SLIT2: variants seen among roughly 807,000 people sequenced by gnomAD.
The protein encoded by SLIT2 is slit guidance ligand 2.
In SLIT2, 41 loss-of-function variants were observed where a neutral mutation model predicts 185.7. The observed-to-expected ratio is 0.22, with a 90% CI of 0.17 to 0.29. SLIT2 has a LOEUF of 0.29. Ranked by LOEUF, SLIT2 falls within the 10% of genes least tolerant of loss-of-function variation. The pLI, the probability that SLIT2 is intolerant of heterozygous loss-of-function variation, is 1.00. For synonymous variants in SLIT2, 693 were observed against 680.2 expected (o/e 1.02, Z -0.29); for missense variants, 1,571 against 1,909.0 (o/e 0.82, Z 3.30).
At chr4:20,579,987 T>TATAG (rs1726401598) in intron 29 of SLIT2, among the ~76,000 whole-genome samples, 1 of 145,228 alleles carries the variant, frequency 6.9e-6, no homozygotes, top group Non-Finnish European at 1.5e-5. Flanking sequence ...TATATATATA[T>TATAG]TTAATATGTA....
intron 4 of SLIT2, among the ~76,000 whole-genome samples, chr4:20,342,268 G>A (rs1426816632): frequency 6.6e-6 from 1 of 152,012 alleles, no homozygotes; most frequent in Non-Finnish European, 1.5e-5. Flanking sequence ...AGATTTCATG[G>A]ATGATTTTAC....
Position 20,610,013 on chromosome 4 carries a change from T to C in SLIT2, c.3693T>C (p.Ser1231=), listed in dbSNP as rs1729093300. The C allele has an allele frequency of 1.9e-6, 3 of 1,610,696 alleles. No individual in the cohort carries two copies. The highest frequency in any genetic ancestry group is 2.2e-5 in the South Asian group (2 of 90,340). The change falls in exon 34 of 37, where the codon AGT becomes AGC. Residue 1231 remains serine, a splice_region_variant and synonymous_variant. Coordinates refer to ENST00000504154, the MANE Select transcript of SLIT2 (RefSeq NM_004787.4). ...TGSHPASAIY[S]VETINDGNFH... is the part of the protein sequence containing the mutation. ...TCAGCCATTTTTTTTTCCGTTGTAG[T>C]GTGGAGACAATCAATGATGGAAACT...
intron 29 of SLIT2, among the ~76,000 whole-genome samples, chr4:20,586,529 A>T (rs185022577): frequency 6.6e-6 from 1 of 152,342 alleles, no homozygotes; most frequent in Admixed American, 6.5e-5. Flanking sequence ...AACACCAGTA[A>T]TATAAAATGC....
chr4:20,304,256 G>T (rs1453451799), intron 4 of SLIT2, among the ~76,000 whole-genome samples: 1 of 151,926 alleles, frequency 6.6e-6, no homozygotes, highest in East Asian at 1.9e-4. Flanking sequence ...AGCTCAACTA[G>T]ATAACTTTTT....
At chr4:20,288,506 C>G (rs1715494049) in intron 4 of SLIT2, among the ~76,000 whole-genome samples, 1 of 152,186 alleles carries the variant, frequency 6.6e-6, no homozygotes, top group African/African-American at 2.4e-5. Flanking sequence ...GGGTGATGAT[C>G]TATACCCAGG....
At chr4:20,569,539 A>G (rs1264056204) in intron 29 of SLIT2, among the ~76,000 whole-genome samples, 1 of 152,032 alleles carries the variant, frequency 6.6e-6, no homozygotes, top group Non-Finnish European at 1.5e-5. Flanking sequence ...TCTTTGGATG[A>G]CACATCTCAT....
intron 7 of SLIT2, among the ~76,000 whole-genome samples, chr4:20,486,519 A>G (rs182911401): frequency 7.9e-5 from 12 of 152,264 alleles, no homozygotes; most frequent in African/African-American, 2.9e-4. Flanking sequence ...ACTTTGAGCT[A>G]TTGTGGAGGT....
chr4:20,288,548 A>T (rs1349427755), intron 4 of SLIT2, among the ~76,000 whole-genome samples: 1 of 152,202 alleles, frequency 6.6e-6, no homozygotes, highest in Admixed American at 6.5e-5. Context: ...CTTATTGGGG[A>T]TGCCTATGGA....
intron 25 of SLIT2, 70 bp from the exon 26 acceptor site, chr4:20,553,735 T>C: frequency 8.9e-7 from 1 of 1,119,338 alleles, no homozygotes; most frequent in Non-Finnish European, 1.2e-6. Flanking sequence ...ACTTCCATAC[T>C]TGTGTGTGTG....
At position 20,540,242 on chromosome 4, in the gene SLIT2, C is replaced by T. The variant is rs556453150; in HGVS notation, c.1976+658C>T. On this transcript the variant is annotated intron_variant, in intron 19 of 36. Transcript: ENST00000504154. ...GGCGGAGGTGGCAGTGATCCAAGAT[C>T]GCATCACTGCACTCCAGCCTGTATG... is the stretch of plus-strand genomic sequence containing the variant. Among the ~76,000 whole-genome samples the T allele has an allele frequency of 9.9e-4, 150 of 150,926 alleles. 1 individual carries two copies. Among genetic ancestry groups the T allele is most frequent in the African/African-American group, 3.3e-3 (134 of 41,010 alleles).
chr4:20,409,526 G>A (rs1308270410), intron 4 of SLIT2, among the ~76,000 whole-genome samples: 3 of 152,102 alleles, frequency 2.0e-5, no homozygotes, highest in African/African-American at 7.2e-5. Context: ...GGGCTTCAGT[G>A]AATATACATG....
intron 4 of SLIT2, among the ~76,000 whole-genome samples, chr4:20,314,189 C>G (rs10938794): frequency 0.24 from 36,300 of 151,830 alleles, 5,268 homozygotes; most frequent in East Asian, 0.6. Flanking sequence ...CTATTTTTTG[C>G]CTGTGTTATC....
intron 4 of SLIT2, among the ~76,000 whole-genome samples, chr4:20,375,151 C>T (rs1156357641): frequency 2.0e-5 from 3 of 151,866 alleles, no homozygotes; most frequent in Admixed American, 1.3e-4. Flanking sequence ...TGATCTAGAC[C>T]ATTATCATCT....
intron 4 of SLIT2, among the ~76,000 whole-genome samples, chr4:20,403,453 A>C (rs1726515820): frequency 6.6e-6 from 1 of 151,896 alleles, no homozygotes; most frequent in Non-Finnish European, 1.5e-5. Flanking sequence ...TGTTAGCATG[A>C]TGAACTAATT....
intron 35 of SLIT2, 82 bp downstream of exon 35, chr4:20,617,280 G>C: frequency 9.3e-7 from 1 of 1,076,830 alleles, no homozygotes; most frequent in Non-Finnish European, 1.3e-6. Flanking sequence ...AGAAGAAGGG[G>C]AGGGGACGGG....
intron 4 of SLIT2, among the ~76,000 whole-genome samples, chr4:20,272,290 C>T (rs1419505408): frequency 6.6e-6 from 1 of 150,794 alleles, no homozygotes; most frequent in East Asian, 2.0e-4. Context: ...AAAAAATAAG[C>T]CAGCATGAAG....
At chr4:20,488,446 T>C (rs1717461449) in intron 7 of SLIT2, among the ~76,000 whole-genome samples, 1 of 152,162 alleles carries the variant, frequency 6.6e-6, no homozygotes, top group Admixed American at 6.5e-5. Context: ...GCCACAACTT[T>C]TACTAACTTG....
chr4:20,341,716 T>C (rs189829724), intron 4 of SLIT2, among the ~76,000 whole-genome samples: 10 of 152,328 alleles, frequency 6.6e-5, no homozygotes, highest in African/African-American at 2.2e-4. Flanking sequence ...ATTTAACGCA[T>C]TATTGACAGA....
chr4:20,391,552 A>G (rs535734906), intron 4 of SLIT2, among the ~76,000 whole-genome samples: 1 of 152,298 alleles, frequency 6.6e-6, no homozygotes, highest in African/African-American at 2.4e-5. Context: ...TCATGACACA[A>G]TTCATTTGCT....
Sources: allele counts gnomAD v4.1 joint callset (sites outside exome capture counted in the v4.1 genomes callset), GRCh38; gene constraint gnomAD v4.1.1; transcripts MANE v1.5; gene names NCBI Gene and HGNC (gene_info 2026-07-23, HGNC 2026-07-21).